ENTPD1: variants seen among roughly 807,000 people sequenced by gnomAD.
The protein encoded by ENTPD1 is ATP diphosphohydrolase.
Under a neutral mutation model 57.0 loss-of-function variants are expected in ENTPD1, and 33 were observed. The ratio of observed to expected loss-of-function variants is 0.58; its 90% CI spans 0.44 to 0.77. ENTPD1 has a LOEUF of 0.77. Among genes scored for constraint, ENTPD1 ranks in the 30% least tolerant of loss-of-function variants. The pLI is 0.00. For synonymous variants in ENTPD1, 202 were observed against 218.8 expected (o/e 0.92, Z 0.68); for missense variants, 501 against 603.4 (o/e 0.83, Z 1.78).
intron 2 of ENTPD1, among the ~76,000 whole-genome samples, chr10:95,830,075 T>G (rs1387991761): frequency 1.3e-5 from 2 of 152,166 alleles, no homozygotes; most frequent in Non-Finnish European, 1.5e-5. Context: ...CTTCATAGCT[T>G]CTAGAACTGT....
intron 1 of ENTPD1, among the ~76,000 whole-genome samples, chr10:95,772,637 T>G (rs2098119473): frequency 1.3e-5 from 2 of 152,314 alleles, no homozygotes; most frequent in Admixed American, 6.5e-5. Flanking sequence ...TCCACTGAAG[T>G]CTTGAGCCCC....
chr10:95,704,265 A>G, the ENTPD1 span, among the ~76,000 whole-genome samples: 2 of 152,192 alleles, frequency 1.3e-5, no homozygotes, highest in Admixed American at 1.3e-4. Flanking sequence ...AAATTTCAGC[A>G]TTTTTGGGTA....
intron 1 of ENTPD1, among the ~76,000 whole-genome samples, chr10:95,798,269 G>T (rs940786526): frequency 6.6e-6 from 1 of 152,148 alleles, no homozygotes. Context: ...ATGGGATCAG[G>T]AGCCAGATAC....
intron 2 of ENTPD1, among the ~76,000 whole-genome samples, chr10:95,837,963 C>G (rs2098414123): frequency 6.6e-6 from 1 of 151,054 alleles, no homozygotes; most frequent in Non-Finnish European, 1.5e-5. Context: ...GATTCACACA[C>G]ACACACACAC....
rs984546698 is a variant in ENTPD1, at chr10:95,869,978, A to G, written c.*3595A>G. On this transcript the variant is annotated 3_prime_UTR_variant, in exon 10 of 10. Coordinates refer to ENST00000371205, the MANE Select transcript of ENTPD1 (RefSeq NM_001776.6). ...TGTCCAAAAAAATACACGTAAAGTT[A>G]AAGTTTAAAAGACACAGGAACTAAG... 5.1e-6 allele frequency: 5 copies of G among 985,372 alleles called. No individual in the cohort carries two copies. The African/African-American group carries it at 8.7e-5, about 17-fold the overall frequency. The allele number at this position is 985,372 out of a possible 1,614,324, so 61.0% of individuals were successfully genotyped here.
At chr10:95,719,314 A>G (rs1446331546) in intron 1 of ENTPD1, among the ~76,000 whole-genome samples, 1 of 152,200 alleles carries the variant, frequency 6.6e-6, no homozygotes, top group Non-Finnish European at 1.5e-5. Flanking sequence ...GGCTTCGGTT[A>G]GGGCCTTCTT....
Position 95,871,354 on chromosome 10 carries a change from T to G in ENTPD1, c.*4971T>G, listed in dbSNP as rs2098480208. 1 of 985,296 alleles carries G rather than the reference T, an allele frequency of 1.0e-6. No individual in the cohort carries two copies. The highest frequency in any genetic ancestry group is 6.1e-5 in the Admixed American group (1 of 16,266). The allele number at this position is 985,296 out of a possible 1,614,324, so 61.0% of individuals were successfully genotyped here. On this transcript the variant is annotated 3_prime_UTR_variant, in exon 10 of 10. Transcript: ENST00000371205. ...GTCATTACTTCTAAGACATCATCAG[T>G]CTGCAACTTCTTTCCATAGCCTTAA...
Position 95,870,981 on chromosome 10 carries a change from C to T in ENTPD1, c.*4598C>T, listed in dbSNP as rs1590231151. 2.0e-6 allele frequency: 2 copies of T among 985,412 alleles called. No homozygotes were observed. The highest frequency in any genetic ancestry group is 9.4e-5 in the South Asian group (2 of 21,286). 61.0% of individuals were successfully genotyped at this position (985,412 alleles called of 1,614,324 possible). On this transcript the variant is annotated 3_prime_UTR_variant, in exon 10 of 10. Transcript: ENST00000371205. ...TCTTGTTCTCCTTGTCCAGTGGTTT[C>T]TAGGGATATGTTCTCATGATGAACC...
chr10:95,721,104 AAT>A (rs1815748259), intron 1 of ENTPD1, among the ~76,000 whole-genome samples: 1 of 152,136 alleles, frequency 6.6e-6, no homozygotes, highest in African/African-American at 2.4e-5. Flanking sequence ...GTTGGCCTTC[AAT>A]AGAGTCAGGT....
intron 1 of ENTPD1, among the ~76,000 whole-genome samples, chr10:95,723,396 C>A (rs1422529811): frequency 2.6e-5 from 4 of 152,046 alleles, no homozygotes; most frequent in African/African-American, 9.7e-5. Context: ...GAATGGGTCT[C>A]ACATAACTGC....
In ENTPD1 at chr10:95,866,359, A is replaced by C; in HGVS notation, c.1509A>C (p.Ser503=). The change falls in exon 10 of 10, where the codon TCA becomes TCC. Residue 503 remains serine, a synonymous_variant. Coordinates refer to ENST00000371205, the MANE Select transcript of ENTPD1 (RefSeq NM_001776.6). ...GCTTGCTTATCTTTCACAAGCCTTC[A>C]TATTTCTGGAAAGATATGGTATAGC... ...IIGLLIFHKP[S]YFWKDMV 6.2e-7 allele frequency: 1 copy of C among 1,614,112 alleles called. No individual in the cohort carries two copies. The highest frequency in any genetic ancestry group is 1.3e-5 in the African/African-American group (1 of 75,026).
chr10:95,752,221 G>A (rs765711756), upstream of ENTPD1, among the ~76,000 whole-genome samples: 58 of 152,204 alleles, frequency 3.8e-4, no homozygotes, highest in Admixed American at 7.2e-4. Context: ...GAATGCAATG[G>A]AAGGAGGAGT....
In ENTPD1 at chr10:95,866,633, G is replaced by C; in HGVS notation, c.*250G>C. 1 of 1,336,770 alleles carries C rather than the reference G, an allele frequency of 7.5e-7. No homozygotes were observed. Among genetic ancestry groups the C allele is most frequent in the Non-Finnish European group, 9.6e-7 (1 of 1,039,244 alleles). 82.8% of individuals were successfully genotyped at this position (1,336,770 alleles called of 1,614,324 possible). On this transcript the variant is annotated 3_prime_UTR_variant, in exon 10 of 10. Transcript: ENST00000371205. ...TACACCTTTCTCCTTTGTACTTTGT[G>C]CTTGTATAGGTTTTAAAGACCTGAC...
rs564025610 is a variant in ENTPD1 at position 95,819,899 on chromosome 10, A to G, written c.17-3338A>G. Among the ~76,000 whole-genome samples, 5 of 152,366 alleles carry G rather than the reference A, an allele frequency of 3.3e-5. No homozygotes were observed. In the South Asian group the frequency reaches 1.0e-3, roughly 32 times the overall value. On this transcript the variant is annotated intron_variant, in intron 1 of 9. Coordinates refer to ENST00000371205, the MANE Select transcript of ENTPD1 (RefSeq NM_001776.6). ...GAAATACCATTTCACATTGTATGAC[A>G]GAAACCACATTTCTGTTATCCACAA...
intron 1 of ENTPD1, among the ~76,000 whole-genome samples, chr10:95,797,896 A>G (rs1040435306): frequency 1.3e-5 from 2 of 152,206 alleles, no homozygotes; most frequent in African/African-American, 4.8e-5. Context: ...GTAGGATGTC[A>G]TTCCTATAGA....
chr10:95,805,706 T>C (rs933495909), intron 1 of ENTPD1, among the ~76,000 whole-genome samples: 43 of 152,174 alleles, frequency 2.8e-4, no homozygotes, highest in East Asian at 9.6e-4. Context: ...AATCTCTCAG[T>C]GTTTGCTTGT....
At chr10:95,752,782 T>C (rs2098014141), upstream of ENTPD1, among the ~76,000 whole-genome samples, 1 of 152,188 alleles carries the variant, frequency 6.6e-6, no homozygotes, top group African/African-American at 2.4e-5. Flanking sequence ...ACCTACTGCT[T>C]CAGCCTCCCA....
intron 1 of ENTPD1, among the ~76,000 whole-genome samples, chr10:95,713,080 A>ATCTTAAG (rs2097967661): frequency 1.3e-5 from 2 of 150,670 alleles, no homozygotes; most frequent in Non-Finnish European, 3.0e-5. Flanking sequence ...AGTCTTTGTT[A>ATCTTAAG]TCTTAAGTCT....
At chr10:95,741,205 A>G (rs1202338767) in intron 1 of ENTPD1, among the ~76,000 whole-genome samples, 1 of 152,128 alleles carries the variant, frequency 6.6e-6, no homozygotes, top group Admixed American at 6.5e-5. Flanking sequence ...TTACTTGAAC[A>G]CTTACAGGCC....
Sources: gnomAD v4.1 joint callset for allele counts (sites outside exome capture counted in the v4.1 genomes callset) on GRCh38, gnomAD v4.1.1 for gene constraint, MANE v1.5 for transcripts, NCBI Gene and HGNC (gene_info 2026-07-23, HGNC 2026-07-21) for gene names.